CFAP95: variants seen among roughly 807,000 people sequenced by gnomAD.
The protein encoded by CFAP95 is cilia- and flagella-associated protein 95.
At chr9:69,874,706 T>A in the CFAP95 span, among the ~76,000 whole-genome samples, 75 of 152,046 alleles carry the variant, frequency 4.9e-4, no homozygotes, top group African/African-American at 1.7e-3. Flanking sequence ...CACGGGAGAG[T>A]GAGTGCCCCT....
At chr9:69,858,167 C>A in the CFAP95 span, 1 of 552,132 alleles carries the variant, frequency 1.8e-6, no homozygotes, top group African/African-American at 1.9e-5. Flanking sequence ...AATAATAAAA[C>A]AGTAAATCCT....
the CFAP95 span, among the ~76,000 whole-genome samples, chr9:69,850,337 C>T: frequency 1.3e-5 from 2 of 152,084 alleles, no homozygotes; most frequent in African/African-American, 4.8e-5. Context: ...GCAAATTAGG[C>T]TAATATTAAC....
chr9:69,839,462 G>A, the CFAP95 span, among the ~76,000 whole-genome samples: 2 of 152,132 alleles, frequency 1.3e-5, no homozygotes, highest in South Asian at 2.1e-4. Context: ...GTCTCACTTC[G>A]TCACCCAGGC....
chr9:69,850,764 CTT>C, the CFAP95 span, among the ~76,000 whole-genome samples: 14 of 152,174 alleles, frequency 9.2e-5, no homozygotes, highest in Non-Finnish European at 1.6e-4. Context: ...GCTAGGGTCT[CTT>C]CTTGCTTCCT....
the CFAP95 span, among the ~76,000 whole-genome samples, chr9:69,894,373 A>C: frequency 1.3e-5 from 2 of 152,144 alleles, no homozygotes; most frequent in African/African-American, 4.8e-5. Context: ...GCCTTATTGA[A>C]TAAAATATAC....
the CFAP95 span, among the ~76,000 whole-genome samples, chr9:69,867,111 T>C: frequency 0.011 from 1,627 of 152,300 alleles, 28 homozygotes; most frequent in African/African-American, 0.036. Flanking sequence ...CTGGTGTTAG[T>C]ATTTGGGGTT....
the CFAP95 span, among the ~76,000 whole-genome samples, chr9:69,864,169 A>T: frequency 1.2e-3 from 183 of 152,336 alleles, 1 homozygote; most frequent in African/African-American, 4.1e-3. Flanking sequence ...GGTAGTGATT[A>T]GCGTGTATTG....
chr9:69,834,845 C>T, the CFAP95 span, among the ~76,000 whole-genome samples: 80 of 152,154 alleles, frequency 5.3e-4, no homozygotes, highest in African/African-American at 1.7e-3. Flanking sequence ...AGTATTTCTT[C>T]GTAAGTCTGA....
chr9:69,868,861 A>C, the CFAP95 span, among the ~76,000 whole-genome samples: 1 of 151,984 alleles, frequency 6.6e-6, no homozygotes, highest in Non-Finnish European at 1.5e-5. Context: ...CATTTTTCCA[A>C]AGAAGACATA....
At chr9:69,844,872 G>A in the CFAP95 span, among the ~76,000 whole-genome samples, 1 of 152,220 alleles carries the variant, frequency 6.6e-6, no homozygotes, top group East Asian at 1.9e-4. Flanking sequence ...ACATAAAAGT[G>A]CCTAGGAAAT....
At chr9:69,882,575 C>A in the CFAP95 span, among the ~76,000 whole-genome samples, 1 of 152,264 alleles carries the variant, frequency 6.6e-6, no homozygotes, top group East Asian at 1.9e-4. Context: ...ATGACACTAG[C>A]TGTGGGTCTG....
At chr9:69,897,402 C>T in the CFAP95 span, among the ~76,000 whole-genome samples, 1 of 152,128 alleles carries the variant, frequency 6.6e-6, no homozygotes, top group African/African-American at 2.4e-5. Context: ...AACCATTATG[C>T]ATTTTTATGG....
chr9:69,853,629 T>C, the CFAP95 span, among the ~76,000 whole-genome samples: 1 of 152,200 alleles, frequency 6.6e-6, no homozygotes, highest in Admixed American at 6.5e-5. Flanking sequence ...CATCCTTATG[T>C]CAGGTTATGA....
chr9:69,898,690 A>G, the CFAP95 span, among the ~76,000 whole-genome samples: 1 of 152,142 alleles, frequency 6.6e-6, no homozygotes, highest in Admixed American at 6.5e-5. Context: ...GTTAAATATC[A>G]TCCATGGTCC....
At chr9:69,896,215 T>C in the CFAP95 span, among the ~76,000 whole-genome samples, 1 of 152,154 alleles carries the variant, frequency 6.6e-6, no homozygotes, top group African/African-American at 2.4e-5. Context: ...GACTGAAGAA[T>C]AAGAAAAATC....
the CFAP95 span, among the ~76,000 whole-genome samples, chr9:69,878,571 T>A: frequency 6.6e-6 from 1 of 152,204 alleles, no homozygotes; most frequent in Non-Finnish European, 1.5e-5. Context: ...AATTGTGAAG[T>A]TTTATTTGCT....
the CFAP95 span, among the ~76,000 whole-genome samples, chr9:69,832,694 CT>C: frequency 0.02 from 1,513 of 75,994 alleles, 39 homozygotes; most frequent in African/African-American, 0.078. Flanking sequence ...TAGGCCTAAA[CT>C]TTTTTTTTTT....
At chr9:69,896,226 G>A in the CFAP95 span, among the ~76,000 whole-genome samples, 5,944 of 152,188 alleles carry the variant, frequency 0.039, 353 homozygotes, top group African/African-American at 0.14. Context: ...AAGAAAAATC[G>A]TATTTGTGTT....
chr9:69,828,362 G>A, the CFAP95 span, among the ~76,000 whole-genome samples: 2 of 152,138 alleles, frequency 1.3e-5, no homozygotes. Flanking sequence ...AGCATGTACT[G>A]GAATTCTCTC....
Sources: gnomAD v4.1 joint callset for allele counts (sites outside exome capture counted in the v4.1 genomes callset) on GRCh38, gnomAD v4.1.1 for gene constraint, MANE v1.5 for transcripts, NCBI Gene and HGNC (gene_info 2026-07-23, HGNC 2026-07-21) for gene names.